Variants in SMPX observed in about 807,000 individuals in gnomAD.
SMPX encodes the protein small muscular protein.
In SMPX, 2 loss-of-function variants were observed where a neutral mutation model predicts 6.3. The ratio of observed to expected loss-of-function variants is 0.32; its 90% CI spans 0.13 to 0.99. The LOEUF (loss-of-function observed/expected upper bound fraction) is 0.99, where lower values mean the gene tolerates loss of function less well. Ranked by LOEUF, SMPX falls within the 50% of genes least tolerant of loss-of-function variation. SMPX has a pLI of 0.49. For synonymous variants in SMPX, 32 were observed against 24.7 expected (o/e 1.30, Z -0.88); for missense variants, 60 against 66.8 (o/e 0.90, Z 0.36).
At chrX:21,716,239 T>G (rs2147373831) in intron 4 of SMPX, among the ~76,000 whole-genome samples, 1 of 112,263 alleles carries the variant, frequency 8.9e-6, no homozygotes, top group East Asian at 2.8e-4. Context: ...TTTAAGCAAC[T>G]TTGAAATAAA....
At chrX:21,707,086 G>A (rs185203053) in intron 4 of SMPX, among the ~76,000 whole-genome samples, 1 of 105,380 alleles carries the variant, frequency 9.5e-6, no homozygotes. Context: ...AACCATCATC[G>A]CCCCATCCAC....
In SMPX at chrX:21,758,027, C is replaced by T. The variant is rs768692409; in HGVS notation, c.-98G>A. The T allele has an allele frequency of 5.5e-5, 18 of 327,600 alleles. No individual in the cohort carries two copies. In the East Asian group the frequency reaches 1.4e-3, roughly 25 times the overall value. 27.0% of individuals were successfully genotyped at this position (327,600 alleles called of 1,213,427 possible). On this transcript the variant is annotated 5_prime_UTR_variant, in exon 1 of 5. Transcript: ENST00000379494. Reference sequence around the variant, plus strand: ...AAAGCTCCTTGGAAGGTGGAAGGGGCGCCCGGTGTCCTCTGAGCTGCGATC... The same window carrying T: ...AAAGCTCCTTGGAAGGTGGAAGGGGTGCCCGGTGTCCTCTGAGCTGCGATC...
intron 4 of SMPX, among the ~76,000 whole-genome samples, chrX:21,709,859 G>A (rs1378118468): frequency 8.9e-6 from 1 of 112,049 alleles, no homozygotes; most frequent in Admixed American, 9.5e-5. Flanking sequence ...GCTTCTCTGA[G>A]CAGCATGGAA....
chrX:21,742,100 C>T (rs1276628372), intron 3 of SMPX, among the ~76,000 whole-genome samples: 1 of 112,246 alleles, frequency 8.9e-6, no homozygotes, highest in Non-Finnish European at 1.9e-5. Context: ...GCCTCCAAAA[C>T]AGCTGTTACA....
intron 4 of SMPX, among the ~76,000 whole-genome samples, chrX:21,719,245 C>T (rs993779544): frequency 7.2e-5 from 8 of 111,763 alleles, no homozygotes; most frequent in Admixed American, 3.8e-4. Context: ...AGAGGCCGGG[C>T]GCAGTGGCTC....
intron 3 of SMPX, among the ~76,000 whole-genome samples, chrX:21,742,702 G>A (rs918190854): frequency 8.9e-6 from 1 of 111,823 alleles, no homozygotes; most frequent in African/African-American, 3.3e-5. Flanking sequence ...TCTACTGATA[G>A]GAGACTGGAA....
At chrX:21,746,853 G>C (rs953423942) in intron 2 of SMPX, among the ~76,000 whole-genome samples, 14 of 110,984 alleles carry the variant, frequency 1.3e-4, no homozygotes, top group Admixed American at 7.7e-4. Context: ...TGAGTGACAA[G>C]TCATAGGCTA....
At chrX:21,741,214 G>A (rs1469130738) in intron 3 of SMPX, among the ~76,000 whole-genome samples, 2 of 111,991 alleles carry the variant, frequency 1.8e-5, no homozygotes, top group Non-Finnish European at 3.8e-5. Flanking sequence ...GAGGGTGTCA[G>A]GATCAAAAGT....
intron 4 of SMPX, among the ~76,000 whole-genome samples, chrX:21,714,180 G>A (rs997946261): frequency 4.5e-5 from 5 of 111,947 alleles, no homozygotes; most frequent in African/African-American, 9.7e-5. Flanking sequence ...CATGAGATAA[G>A]TTGAGAAATA....
chrX:21,751,414 A>T (rs1381566255), intron 2 of SMPX, among the ~76,000 whole-genome samples: 1 of 112,608 alleles, frequency 8.9e-6, no homozygotes, highest in Non-Finnish European at 1.9e-5. Context: ...AAGCAATTAC[A>T]GTGAGCCAGG....
intron 2 of SMPX, among the ~76,000 whole-genome samples, chrX:21,747,063 A>G (rs2092822259): frequency 8.9e-6 from 1 of 112,006 alleles, no homozygotes; most frequent in African/African-American, 3.2e-5. Flanking sequence ...TATTTGCTAC[A>G]CAAAATAGGC....
Position 21,712,289 on chromosome X carries a change from A to T in SMPX, c.*15-5895T>A, listed in dbSNP as rs770042118. The stretch of plus-strand genomic sequence containing the variant: ...AATTGAAATCCTTCTAACAATAATT[A>T]TATAAAAACGGAAGAAGAGGAAGAC... On this transcript the variant is annotated intron_variant, in intron 4 of 4. Coordinates refer to ENST00000379494, the MANE Select transcript of SMPX (RefSeq NM_014332.3). Among the ~76,000 whole-genome samples, 3 of 112,202 alleles carry T rather than the reference A, an allele frequency of 2.7e-5. No homozygotes were observed. In the East Asian group the frequency reaches 8.4e-4, roughly 31 times the overall value.
intron 1 of SMPX, among the ~76,000 whole-genome samples, chrX:21,755,674 A>AAG (rs202070291): frequency 0.015 from 1,679 of 112,335 alleles, 27 homozygotes; most frequent in African/African-American, 0.051. Context: ...TGAAATCTCT[A>AAG]AAGTCTTAGG....
chrX:21,733,024 A>C (rs778552043), intron 4 of SMPX, among the ~76,000 whole-genome samples: 6 of 112,030 alleles, frequency 5.4e-5, no homozygotes, highest in Non-Finnish European at 1.9e-5. Flanking sequence ...GGTGAGAAAT[A>C]AATGTCTGCT....
chrX:21,710,129 G>A (rs1166413477), intron 4 of SMPX, among the ~76,000 whole-genome samples: 1 of 111,861 alleles, frequency 8.9e-6, no homozygotes. Context: ...TCAGCTTATA[G>A]GCCTCTCTGA....
chrX:21,707,669 C>T (rs1293722680), intron 4 of SMPX, among the ~76,000 whole-genome samples: 1 of 112,471 alleles, frequency 8.9e-6, no homozygotes, highest in Non-Finnish European at 1.9e-5. Flanking sequence ...GATGGTGTAC[C>T]AGTTTTGAGC....
At chrX:21,730,981 C>A (rs2031885453) in intron 4 of SMPX, among the ~76,000 whole-genome samples, 1 of 111,431 alleles carries the variant, frequency 9.0e-6, no homozygotes, top group Non-Finnish European at 1.9e-5. Flanking sequence ...GATTTGAGAT[C>A]TTTTTTAATA....
At chrX:21,757,299 T>C (rs2092834033) in intron 1 of SMPX, among the ~76,000 whole-genome samples, 1 of 111,757 alleles carries the variant, frequency 8.9e-6, no homozygotes, top group African/African-American at 3.3e-5. Context: ...GCTTTAAATA[T>C]GCTGAGAGGA....
At chrX:21,721,445 G>A (rs1029404362) in intron 4 of SMPX, among the ~76,000 whole-genome samples, 1 of 112,174 alleles carries the variant, frequency 8.9e-6, no homozygotes, top group African/African-American at 3.2e-5. Context: ...GTTTTCCACC[G>A]TTGAATACTT....
Sources: gnomAD v4.1 joint callset for allele counts (sites outside exome capture counted in the v4.1 genomes callset) on GRCh38, gnomAD v4.1.1 for gene constraint, MANE v1.5 for transcripts, NCBI Gene and HGNC (gene_info 2026-07-23, HGNC 2026-07-21) for gene names.